The following NDUFS2 variants were observed in gnomAD, a reference collection of about 807,000 sequenced individuals.
NDUFS2 encodes NADH:ubiquinone oxidoreductase core subunit S2.
NDUFS2 carries 38 observed loss-of-function variants against 69.6 expected under a neutral mutation model. The observed-to-expected ratio is 0.55, with a 90% CI of 0.42 to 0.72. The LOEUF is 0.72. Ranked by LOEUF, NDUFS2 falls within the 30% of genes least tolerant of loss-of-function variation. The pLI, the probability that NDUFS2 is intolerant of heterozygous loss-of-function variation, is 0.00. For missense variants in NDUFS2, 468 were observed against 595.0 expected (o/e 0.79, Z 2.22); for synonymous variants, 194 against 211.2 (o/e 0.92, Z 0.70).
At chr1:161,202,244 A>T (rs1286790724), upstream of NDUFS2, 3 of 782,498 alleles carry the variant, frequency 3.8e-6, no homozygotes, top group East Asian at 2.7e-5. Context: ...CAGGACCCGG[A>T]TGTTGTCAGT....
chr1:161,213,400 T>A lies in NDUFS2; in HGVS notation c.1137T>A (p.Ile379=), dbSNP rs572700597. 1 of 1,610,420 alleles carries A rather than the reference T, an allele frequency of 6.2e-7. No homozygotes were observed. The highest frequency in any genetic ancestry group is 1.3e-5 in the African/African-American group (1 of 74,996). The change falls in exon 11 of 14, where the codon ATT becomes ATA. Residue 379 remains isoleucine (I), a synonymous_variant. Transcript: ENST00000676972. ...AEMKTSMESL[I]HHFKLYTEGY... ...TTCAGACTTCCATGGAGTCACTGATTCATCACTTTAAGTTGTATACTGAGG... is the reference window on the plus strand; with the variant it reads ...TTCAGACTTCCATGGAGTCACTGATACATCACTTTAAGTTGTATACTGAGG...
intron 8 of NDUFS2, 94 bp from the exon 9 acceptor site, chr1:161,210,497 G>C: frequency 6.2e-7 from 1 of 1,607,448 alleles, no homozygotes; most frequent in Non-Finnish European, 8.5e-7. Flanking sequence ...GTCATACCCT[G>C]AATGTGAAGG....
At chr1:161,198,539 G>A (rs150616368), upstream of NDUFS2, 4 of 1,565,688 alleles carry the variant, frequency 2.6e-6, no homozygotes, top group South Asian at 1.2e-5. The surrounding 1 kb of genome is among the most constrained non-coding windows in gnomAD (Gnocchi z 4.7). Flanking sequence ...CCAGGAGAGC[G>A]GCACAATGGG....
chr1:161,209,154 A>C (rs1315460498), intron 3 of NDUFS2, 39 bp from the exon 4 acceptor site: 1 of 1,613,988 alleles, frequency 6.2e-7, no homozygotes, highest in Admixed American at 1.7e-5. Context: ...TGGGCTCCTG[A>C]GCCTGTTAGA....
At chr1:161,198,607 A>T (rs1451657156), upstream of NDUFS2, 26 of 1,533,794 alleles carry the variant, frequency 1.7e-5, no homozygotes, top group Non-Finnish European at 2.1e-5. This position sits in a 1 kb window ranked among gnomAD's most constrained non-coding sequence, Gnocchi z 4.7. Flanking sequence ...CCCTCCCGGG[A>T]TGCGAGCCTG....
rs370433084 is a variant in NDUFS2 at position 161,209,846 on chromosome 1, G to T, written c.628-11G>T. 1.9e-6 allele frequency: 3 copies of T among 1,613,502 alleles called. No individual in the cohort carries two copies. Among genetic ancestry groups the T allele is most frequent in the Non-Finnish European group, 8.5e-7 (1 of 1,179,778 alleles). ...GGACTTTGACACTAATTCCCAGCAC[G>T]TTCTATGAAGATGTTTGAGTTCTAC... is the stretch of plus-strand genomic sequence containing the variant. On this transcript the variant is annotated splice_polypyrimidine_tract_variant and intron_variant, in intron 5 of 13. Coordinates refer to ENST00000676972, the MANE Select transcript of NDUFS2 (RefSeq NM_001377299.1).
In NDUFS2 at chr1:161,213,750, T is replaced by C; in HGVS notation, c.1296+18T>C. On this transcript the variant is annotated intron_variant, in intron 12 of 13. Transcript: ENST00000676972. ...CCCATCTGGTAAGAATCAATCCCAGTAACTATAACTCCAATGAATTAAACC... is the reference window on the plus strand; with the variant it reads ...CCCATCTGGTAAGAATCAATCCCAGCAACTATAACTCCAATGAATTAAACC... 1 of 1,613,892 alleles carries C rather than the reference T, an allele frequency of 6.2e-7. No individual in the cohort carries two copies. The highest frequency in any genetic ancestry group is 8.5e-7 in the Non-Finnish European group (1 of 1,179,764).
intron 1 of NDUFS2, 90 bp downstream of exon 1, chr1:161,202,570 C>G: frequency 7.7e-7 from 1 of 1,300,110 alleles, no homozygotes; most frequent in Non-Finnish European, 1.1e-6. Context: ...AATAATAACC[C>G]AAGCCTGTGA....
rs1459618345 is a variant in NDUFS2 at position 161,212,481 on chromosome 1, G to A, written c.1116+1G>A. On this transcript the variant is annotated splice_donor_variant, in intron 10 of 13. Transcript: ENST00000676972. LOFTEE classifies it high-confidence loss of function. ...TCCACCTAAGCGAGCAGAGATGAAG[G>A]TTGGCTGCAGGGAGGGGGAAAGTGT... 1 of 1,612,286 alleles carries A rather than the reference G, an allele frequency of 6.2e-7. No homozygotes were observed. The highest frequency in any genetic ancestry group is 1.7e-5 in the Admixed American group (1 of 60,004).
intron 11 of NDUFS2, 83 bp from the exon 12 acceptor site, chr1:161,213,565 GA>G: frequency 6.5e-7 from 1 of 1,545,818 alleles, no homozygotes; most frequent in Non-Finnish European, 8.9e-7. Context: ...CAATGAGAGA[GA>G]AAACAGAATG....
In NDUFS2 at chr1:161,214,381, G is replaced by T. The variant is rs1269842106; in HGVS notation, c.*188G>T. ...ATTATAATAAATTAGCCGTCTTGCG[G>T]CCCCTAGGCCTAAACTTCTGGTATC... On this transcript the variant is annotated 3_prime_UTR_variant, in exon 14 of 14. Transcript: ENST00000676972. The T allele has an allele frequency of 3.1e-6, 2 of 644,632 alleles. No individual in the cohort carries two copies. Among genetic ancestry groups the T allele is most frequent in the East Asian group, 2.8e-5 (1 of 35,664 alleles). 39.9% of individuals were successfully genotyped at this position (644,632 alleles called of 1,614,324 possible). A position where few individuals can be genotyped will look rare whatever the true frequency, so the allele number is the denominator to read the frequency against.
intron 6 of NDUFS2, 39 bp from the exon 7 acceptor site, chr1:161,210,072 G>C: frequency 6.2e-7 from 1 of 1,604,166 alleles, no homozygotes. Context: ...CTTAGTGAAG[G>C]CTATGCCACA....
At chr1:161,207,784 C>A (rs960404009) in intron 3 of NDUFS2, among the ~76,000 whole-genome samples, 22 of 150,628 alleles carry the variant, frequency 1.5e-4, no homozygotes, top group African/African-American at 4.9e-4. Context: ...AGACTGATTG[C>A]CTTTCTCCTT....
In NDUFS2 at chr1:161,210,341, T is replaced by C. The variant is rs1665703991; in HGVS notation, c.818T>C (p.Ile273Thr). 6.2e-7 allele frequency: 1 copy of C among 1,613,994 alleles called. No homozygotes were observed. Among genetic ancestry groups the C allele is most frequent in the Non-Finnish European group, 8.5e-7 (1 of 1,179,992 alleles). Residue 273 changes from isoleucine (I) to threonine (T), a missense_variant, in exon 8 of 14, where the codon ATT becomes ACT. Physicochemically the swap from Ile to Thr is moderately conservative, Grantham distance 89 (BLOSUM62 -1). Around this residue, in one of 3 missense-constraint regions of NDUFS2, gnomAD observed 339 missense variants for 433.8 expected, o/e 0.78. Transcript: ENST00000676972. ...TNNRIWRNRT[I>T]DIGVVTAEEA... ...AATAGGATCTGGCGAAATCGGACAATTGACATTGGGGTTGTAACAGCAGAA... is the reference window on the plus strand; with the variant it reads ...AATAGGATCTGGCGAAATCGGACAACTGACATTGGGGTTGTAACAGCAGAA...
At chr1:161,204,664 C>T (rs939452457) in intron 2 of NDUFS2, among the ~76,000 whole-genome samples, 2 of 152,192 alleles carry the variant, frequency 1.3e-5, no homozygotes, top group African/African-American at 4.8e-5. Flanking sequence ...TAGCTGAGTG[C>T]TTACCATTTG....
upstream of NDUFS2, chr1:161,198,006 G>A (rs777313414): frequency 1.5e-5 from 24 of 1,560,340 alleles, no homozygotes; most frequent in East Asian, 6.8e-5. This position sits in a 1 kb window ranked among gnomAD's most constrained non-coding sequence, Gnocchi z 4.7. Context: ...TTGGCTCTTC[G>A]GGGTCTGGGG....
chr1:161,214,291 GTGTGTGTGTA>G lies in NDUFS2; in HGVS notation c.*102_*111del. On this transcript the variant is annotated 3_prime_UTR_variant, in exon 14 of 14. Coordinates refer to ENST00000676972, the MANE Select transcript of NDUFS2 (RefSeq NM_001377299.1). ...CCTCTGTGTGTGTGTGTGTGTGTGT[GTGTGTGTGTA>G]TGTTCATGTACACTTGGCTGTCAGG... is the stretch of plus-strand genomic sequence containing the variant. 1 of 1,124,926 alleles carries G rather than the reference GTGTGTGTGTA, an allele frequency of 8.9e-7. No individual in the cohort carries two copies. The highest frequency in any genetic ancestry group is 1.3e-6 in the Non-Finnish European group (1 of 748,052). 69.7% of individuals were successfully genotyped at this position (1,124,926 alleles called of 1,614,324 possible).
chr1:161,210,062 C>T lies in NDUFS2; in HGVS notation c.703-49C>T, dbSNP rs779201700. The T allele has an allele frequency of 2.8e-5, 45 of 1,600,266 alleles. No homozygotes were observed. The South Asian group carries it at 4.5e-4, about 16-fold the overall frequency. On this transcript the variant is annotated intron_variant, in intron 6 of 13. Transcript: ENST00000676972. ...GGGAGGGGGTGCTGAGAGGGCTCTC[C>T]TTAGTGAAGGCTATGCCACATTCAG...
rs759070675 is a variant in NDUFS2, at chr1:161,209,193, G to A, written c.394G>A (p.Ala132Thr). The change falls in exon 4 of 14, where the codon GCC (alanine) becomes ACC (threonine). Residue 132 changes from alanine to threonine, a missense_variant and splice_region_variant. Ala to Thr is a moderately conservative substitution (Grantham distance 58, BLOSUM62 0). Around this residue, in one of 3 missense-constraint regions of NDUFS2, gnomAD observed 339 missense variants for 433.8 expected, o/e 0.78. Transcript: ENST00000676972. ...GACCCACATTCCTCCCTCTTCCCAG[G>A]CCCTTCCATACTTTGACCGGCTAGA... ...KLIEYKTYLQ[A>T]LPYFDRLDYV... 1.9e-6 allele frequency: 3 copies of A among 1,614,098 alleles called. No individual in the cohort carries two copies. The highest frequency in any genetic ancestry group is 2.7e-5 in the African/African-American group (2 of 75,000).
Sources: allele counts gnomAD v4.1 joint callset (sites outside exome capture counted in the v4.1 genomes callset), GRCh38; gene constraint gnomAD v4.1.1; regional missense constraint gnomAD v4.1.1; non-coding constraint Gnocchi (gnomAD v3.1); transcripts MANE v1.5; gene names NCBI Gene and HGNC (gene_info 2026-07-23, HGNC 2026-07-21).